Variants in SGCZ observed in about 807,000 individuals in gnomAD.
SGCZ encodes sarcoglycan zeta.
In SGCZ, 40 loss-of-function variants were observed where a neutral mutation model predicts 41.3. The ratio of observed to expected loss-of-function variants is 0.97; its 90% CI spans 0.75 to 1.26. The LOEUF (loss-of-function observed/expected upper bound fraction) is 1.26. Ranked by LOEUF, SGCZ falls within the 50% of genes most tolerant of loss-of-function variation. SGCZ has a pLI of 0.00. For synonymous variants in SGCZ, 206 were observed against 137.5 expected, an observed-to-expected ratio of 1.50 and a Z score of -3.49; for missense variants, 552 against 369.8, an observed-to-expected ratio of 1.49 and a Z score of -4.04.
chr8:14,823,520 A>G (rs1802184597), intron 1 of SGCZ, among the ~76,000 whole-genome samples: 1 of 152,228 alleles, frequency 6.6e-6, no homozygotes, highest in Non-Finnish European at 1.5e-5. Context: ...ACTTAAAGTT[A>G]CAATAAATAC....
At chr8:14,245,670 G>A (rs566492739) in intron 3 of SGCZ, among the ~76,000 whole-genome samples, 45 of 151,912 alleles carry the variant, frequency 3.0e-4, no homozygotes, top group African/African-American at 9.6e-4. Context: ...TACACAAAAC[G>A]GGAGAAAATT....
intron 5 of SGCZ, among the ~76,000 whole-genome samples, chr8:14,115,959 T>A (rs1585148311): frequency 6.6e-6 from 1 of 152,058 alleles, no homozygotes; most frequent in Non-Finnish European, 1.5e-5. Flanking sequence ...CACTGGCAGG[T>A]CATACCGACC....
chr8:15,001,234 C>A (rs1802408360), intron 1 of SGCZ, among the ~76,000 whole-genome samples: 1 of 152,176 alleles, frequency 6.6e-6, no homozygotes, highest in African/African-American at 2.4e-5. Flanking sequence ...TGAGGATGAA[C>A]TGTATCGTCA....
At chr8:14,570,737 A>G (rs1233553906) in intron 1 of SGCZ, among the ~76,000 whole-genome samples, 2 of 152,174 alleles carry the variant, frequency 1.3e-5, no homozygotes, top group African/African-American at 2.4e-5. Flanking sequence ...ATTCAATGTG[A>G]TATGAATAAC....
intron 1 of SGCZ, among the ~76,000 whole-genome samples, chr8:14,925,317 G>A (rs1799713092): frequency 6.6e-6 from 1 of 151,942 alleles, no homozygotes; most frequent in African/African-American, 2.4e-5. Context: ...ATTTCTTATG[G>A]CTTAGTTTAT....
At chr8:14,226,212 A>G (rs909888580) in intron 4 of SGCZ, among the ~76,000 whole-genome samples, 2 of 152,070 alleles carry the variant, frequency 1.3e-5, no homozygotes, top group African/African-American at 4.8e-5. Context: ...AAAAAGACAG[A>G]CATCATGTAA....
chr8:14,802,095 C>G (rs2247039), intron 1 of SGCZ, among the ~76,000 whole-genome samples: 103,402 of 152,058 alleles, frequency 0.68, 36,632 homozygotes, highest in African/African-American at 0.88. Flanking sequence ...TGACGGGTTG[C>G]GTTAACTATG....
intron 2 of SGCZ, among the ~76,000 whole-genome samples, chr8:14,463,106 A>G (rs1450329402): frequency 6.6e-6 from 1 of 151,672 alleles, no homozygotes; most frequent in Non-Finnish European, 1.5e-5. Flanking sequence ...GGCTTTCTAT[A>G]TTTAAGATCA....
intron 1 of SGCZ, among the ~76,000 whole-genome samples, chr8:14,974,513 A>G (rs192627892): frequency 6.6e-6 from 1 of 152,286 alleles, no homozygotes; most frequent in Admixed American, 6.5e-5. Context: ...CAAACTGGCC[A>G]TGCATTTTAG....
At chr8:14,404,782 T>A (rs73664350) in intron 2 of SGCZ, among the ~76,000 whole-genome samples, 22,781 of 152,172 alleles carry the variant, frequency 0.15, 3,886 homozygotes, top group African/African-American at 0.42. Flanking sequence ...TATCTCAAGG[T>A]GCTGAAACCT....
intron 2 of SGCZ, among the ~76,000 whole-genome samples, chr8:14,462,059 A>G (rs1033355794): frequency 4.6e-5 from 7 of 152,046 alleles, no homozygotes; most frequent in Admixed American, 3.3e-4. Flanking sequence ...AGGCAGCCAT[A>G]CTTTTATTAT....
intron 1 of SGCZ, among the ~76,000 whole-genome samples, chr8:15,003,514 C>T (rs1284176488): frequency 2.6e-5 from 4 of 152,134 alleles, no homozygotes; most frequent in East Asian, 1.9e-4. Context: ...TTGGTTACAA[C>T]ACTGCAAAAT....
chr8:14,087,496 G>C lies in SGCZ; in HGVS notation c.*2947C>G, dbSNP rs375201595. Among the ~76,000 whole-genome samples, 1 of 151,292 alleles carries C rather than the reference G, an allele frequency of 6.6e-6. No individual in the cohort carries two copies. Among genetic ancestry groups the C allele is most frequent in the East Asian group, 1.9e-4 (1 of 5,142 alleles). ...CTTCTTCCGTTTGTTCCTTCCTGGCGTACACTGAGTATGAAGTTATTAAGA... is the reference window on the plus strand; with the variant it reads ...CTTCTTCCGTTTGTTCCTTCCTGGCCTACACTGAGTATGAAGTTATTAAGA... On this transcript the variant is annotated 3_prime_UTR_variant, in exon 8 of 8. Transcript: ENST00000382080.
chr8:14,602,462 A>T (rs1439114137), intron 1 of SGCZ, among the ~76,000 whole-genome samples: 2 of 151,810 alleles, frequency 1.3e-5, no homozygotes, highest in African/African-American at 4.8e-5. Context: ...AGGTGGGAGG[A>T]TTGCTTGAAC....
Position 14,553,322 on chromosome 8 carries a change from T to C in SGCZ, c.234+1410A>G, listed in dbSNP as rs570438779. On this transcript the variant is annotated intron_variant, in intron 2 of 7. Transcript: ENST00000382080. ...AGAATCTCATAAGGGAGAATGTACC[T>C]ACAAGCCTTCAACTCAACCTCTAGC... Among the ~76,000 whole-genome samples the C allele has an allele frequency of 1.6e-4, 24 of 152,174 alleles. 1 individual carries two copies. The highest frequency in any genetic ancestry group is 5.3e-4 in the African/African-American group (22 of 41,552).
At position 14,337,503 on chromosome 8, in the gene SGCZ, G is replaced by A. The variant is rs147486197; in HGVS notation, c.235-13299C>T. Among the ~76,000 whole-genome samples the A allele has an allele frequency of 8.8e-3, 1,333 of 152,196 alleles. 9 individuals are homozygous for A. The highest frequency in any genetic ancestry group is 0.02 in the South Asian group (96 of 4,814). ...ACTATTGGAAAGGACTACAGGAGAC[G>A]ATTCTAACTTGTTACTAGAATGACT... On this transcript the variant is annotated intron_variant, in intron 2 of 7. Transcript: ENST00000382080.
chr8:14,954,785 C>G (rs1800743481), intron 1 of SGCZ, among the ~76,000 whole-genome samples: 1 of 152,116 alleles, frequency 6.6e-6, no homozygotes, highest in African/African-American at 2.4e-5. Context: ...TCATTGCAGC[C>G]TGCGAGATAC....
intron 1 of SGCZ, among the ~76,000 whole-genome samples, chr8:14,935,934 A>G (rs544214504): frequency 1.3e-5 from 2 of 152,070 alleles, no homozygotes; most frequent in South Asian, 4.1e-4. Flanking sequence ...CTCTATTTGT[A>G]TCAGACACAG....
intron 1 of SGCZ, among the ~76,000 whole-genome samples, chr8:15,220,821 T>C (rs892540101): frequency 5.9e-5 from 9 of 152,142 alleles, no homozygotes; most frequent in African/African-American, 1.9e-4. Context: ...CACCACGGAA[T>C]ACTATGCAGC....
Sources: gnomAD v4.1 joint callset for allele counts (sites outside exome capture counted in the v4.1 genomes callset) on GRCh38, gnomAD v4.1.1 for gene constraint, MANE v1.5 for transcripts, NCBI Gene and HGNC (gene_info 2026-07-23, HGNC 2026-07-21) for gene names.